CENPP: variants seen among roughly 807,000 people sequenced by gnomAD.
The protein encoded by CENPP is centromere protein P.
In CENPP, 24 loss-of-function variants were observed where a neutral mutation model predicts 35.6. That is an observed-to-expected ratio of 0.67 (90% CI 0.49 to 0.95). The LOEUF (loss-of-function observed/expected upper bound fraction) is 0.95, where lower values mean the gene tolerates loss of function less well. Among genes scored for constraint, CENPP ranks in the 40% least tolerant of loss-of-function variants. The pLI is 0.00. For synonymous variants in CENPP, 120 were observed against 125.5 expected (o/e 0.96, Z 0.29); for missense variants, 332 against 345.3 (o/e 0.96, Z 0.31).
intron 5 of CENPP, among the ~76,000 whole-genome samples, chr9:92,538,207 G>T (rs748326964): frequency 1.3e-5 from 2 of 152,188 alleles, no homozygotes; most frequent in African/African-American, 2.4e-5. Flanking sequence ...AGAGAACAAA[G>T]TGGGCTTACC....
At chr9:92,477,472 G>T (rs1564343777) in intron 5 of CENPP, among the ~76,000 whole-genome samples, 1 of 152,118 alleles carries the variant, frequency 6.6e-6, no homozygotes, top group Non-Finnish European at 1.5e-5. Flanking sequence ...AGTTTATTCT[G>T]TAACATTCTT....
chr9:92,466,653 A>C, intron 5 of CENPP: 1 of 1,206,748 alleles, frequency 8.3e-7, no homozygotes, highest in Non-Finnish European at 1.2e-6. Context: ...CCAATGATGG[A>C]AATCAGTACA....
intron 5 of CENPP, among the ~76,000 whole-genome samples, chr9:92,553,954 G>A (rs1009863511): frequency 3.9e-5 from 6 of 152,138 alleles, no homozygotes; most frequent in Admixed American, 1.3e-4. Flanking sequence ...CTGTGTTGAA[G>A]AGGAGTAGTG....
chr9:92,491,542 C>T (rs769128294), intron 5 of CENPP, among the ~76,000 whole-genome samples: 1 of 152,080 alleles, frequency 6.6e-6, no homozygotes, highest in Non-Finnish European at 1.5e-5. Context: ...TCAGCTTTGA[C>T]CTCATACCTT....
intron 5 of CENPP, among the ~76,000 whole-genome samples, chr9:92,494,916 A>C (rs1401911841): frequency 1.3e-5 from 2 of 152,110 alleles, no homozygotes; most frequent in Non-Finnish European, 2.9e-5. Context: ...AAAAAATAAT[A>C]ATAATAACAT....
At chr9:92,495,668 C>T (rs932824823) in intron 5 of CENPP, 1 of 886,972 alleles carries the variant, frequency 1.1e-6, no homozygotes, top group African/African-American at 1.8e-5. Flanking sequence ...TTATGCACAC[C>T]CTTCTGCCAG....
rs1844106313 is a variant in CENPP, at chr9:92,431,442, A to G, written c.564+51583A>G. Among the ~76,000 whole-genome samples the G allele has an allele frequency of 2.0e-5, 3 of 152,228 alleles. No individual in the cohort carries two copies. The South Asian group carries it at 6.2e-4, about 31-fold the overall frequency. On this transcript the variant is annotated intron_variant, in intron 5 of 7. Transcript: ENST00000375587. Reference sequence around the variant, plus strand: ...TCCAATTTGGTAAGTATTCAGTGGCATTACATTGTGATTTTAACTTCCATT... The same window carrying G: ...TCCAATTTGGTAAGTATTCAGTGGCGTTACATTGTGATTTTAACTTCCATT...
At chr9:92,365,062 T>C (rs1016410495) in intron 4 of CENPP, among the ~76,000 whole-genome samples, 1 of 152,224 alleles carries the variant, frequency 6.6e-6, no homozygotes, top group Non-Finnish European at 1.5e-5. Flanking sequence ...GCATTGTCGT[T>C]GTGCTTAATA....
At chr9:92,559,903 G>T (rs1263279977) in intron 5 of CENPP, among the ~76,000 whole-genome samples, 2 of 152,200 alleles carry the variant, frequency 1.3e-5, no homozygotes, top group Non-Finnish European at 2.9e-5. Flanking sequence ...AATGGCTTAT[G>T]CCTGTAATCC....
At chr9:92,517,712 T>C in intron 5 of CENPP, 1 of 1,614,192 alleles carries the variant, frequency 6.2e-7, no homozygotes, top group Non-Finnish European at 8.5e-7. Flanking sequence ...CCGGGCAGCA[T>C]TCCCCTTCAG....
intron 5 of CENPP, among the ~76,000 whole-genome samples, chr9:92,509,546 C>T (rs987756548): frequency 2.6e-5 from 4 of 152,060 alleles, no homozygotes; most frequent in African/African-American, 4.8e-5. Flanking sequence ...TACAAAGAAC[C>T]GACAAAATTG....
intron 5 of CENPP, among the ~76,000 whole-genome samples, chr9:92,549,722 C>T (rs945916931): frequency 3.9e-5 from 6 of 151,988 alleles, no homozygotes; most frequent in African/African-American, 1.5e-4. Context: ...TCCCAGACAC[C>T]GGATTAGATA....
intron 5 of CENPP, among the ~76,000 whole-genome samples, chr9:92,440,546 A>T (rs1844360647): frequency 6.6e-6 from 1 of 152,142 alleles, no homozygotes; most frequent in Admixed American, 6.6e-5. Context: ...AAAAGTTCTC[A>T]ACTTAATAAG....
chr9:92,415,009 C>T, intron 5 of CENPP: 2 of 573,758 alleles, frequency 3.5e-6, no homozygotes, highest in Non-Finnish European at 5.8e-6. Context: ...ATGCAGATGT[C>T]ACCAACAACT....
chr9:92,569,866 A>G (rs565815892), intron 5 of CENPP, among the ~76,000 whole-genome samples: 1 of 152,162 alleles, frequency 6.6e-6, no homozygotes, highest in African/African-American at 2.4e-5. Context: ...TTCACTCATG[A>G]TTTGGCTCTC....
intron 5 of CENPP, among the ~76,000 whole-genome samples, chr9:92,439,160 G>A (rs911339027): frequency 7.9e-5 from 12 of 152,094 alleles, no homozygotes; most frequent in South Asian, 6.2e-4. Context: ...TTATTAGATC[G>A]TGTGTTATTA....
chr9:92,419,416 T>C (rs1843719097), intron 5 of CENPP, among the ~76,000 whole-genome samples: 1 of 150,132 alleles, frequency 6.7e-6, no homozygotes, highest in African/African-American at 2.4e-5. Context: ...TTCTCCTGCC[T>C]CAGCCTCCCC....
chr9:92,374,443 T>C (rs546102812), intron 4 of CENPP, among the ~76,000 whole-genome samples: 2 of 152,246 alleles, frequency 1.3e-5, no homozygotes, highest in East Asian at 3.9e-4. Context: ...CAAACTCAGG[T>C]GATCCGCCCA....
chr9:92,364,198 G>C (rs1426736467), intron 4 of CENPP, among the ~76,000 whole-genome samples: 1 of 148,910 alleles, frequency 6.7e-6, no homozygotes, highest in Non-Finnish European at 1.5e-5. Context: ...TTTTCAATTA[G>C]AAAAAAAAAT....
Sources: allele counts gnomAD v4.1 joint callset (sites outside exome capture counted in the v4.1 genomes callset), GRCh38; gene constraint gnomAD v4.1.1; transcripts MANE v1.5; gene names NCBI Gene and HGNC (gene_info 2026-07-23, HGNC 2026-07-21).